The following STIL variants were observed in gnomAD, a reference collection of about 807,000 sequenced individuals.
STIL encodes SCL-interrupting locus protein.
In STIL, 55 loss-of-function variants were observed where a neutral mutation model predicts 110.1. The observed-to-expected ratio is 0.50, with a 90% CI of 0.40 to 0.63. The LOEUF is 0.63. Among genes scored for constraint, STIL ranks in the 20% least tolerant of loss-of-function variants. STIL has a pLI of 0.00. For missense variants in STIL, 1,358 were observed against 1,530.0 expected, an observed-to-expected ratio of 0.89 and a Z score of 1.87; for synonymous variants, 481 against 530.0, an observed-to-expected ratio of 0.91 and a Z score of 1.27.
chr1:47,263,447 A>G (rs1196732708), intron 14 of STIL, among the ~76,000 whole-genome samples: 2 of 152,224 alleles, frequency 1.3e-5, no homozygotes, highest in African/African-American at 4.8e-5. Context: ...CAGGAGGCTG[A>G]GCAAGAGGAT....
At chr1:47,281,326 T>C in intron 11 of STIL, 117 bp from the exon 12 acceptor site, 2 of 1,081,196 alleles carry the variant, frequency 1.8e-6, no homozygotes, top group South Asian at 1.7e-5. Context: ...CAAGTGTTCA[T>C]TCTTTATTTA....
chr1:47,303,517 A>T (rs368751941), intron 3 of STIL, among the ~76,000 whole-genome samples: 5 of 152,306 alleles, frequency 3.3e-5, no homozygotes, highest in East Asian at 1.9e-4. Context: ...GTGAGCCAAC[A>T]TCACGCCACT....
At chr1:47,303,473 G>A (rs1198167903) in intron 3 of STIL, among the ~76,000 whole-genome samples, 1 of 152,172 alleles carries the variant, frequency 6.6e-6, no homozygotes, top group Non-Finnish European at 1.5e-5. Context: ...GCTGAGACAG[G>A]AGAATCGCTT....
chr1:47,311,211 C>T (rs942412344), intron 1 of STIL, among the ~76,000 whole-genome samples: 15 of 151,814 alleles, frequency 9.9e-5, no homozygotes, highest in African/African-American at 3.6e-4. Flanking sequence ...TGCTTCTACA[C>T]CTACTTATCT....
chr1:47,310,787 T>C (rs1646099984), intron 1 of STIL, among the ~76,000 whole-genome samples: 1 of 152,080 alleles, frequency 6.6e-6, no homozygotes, highest in Non-Finnish European at 1.5e-5. Context: ...CATTAAAGAA[T>C]CTTCATTGGA....
chr1:47,263,725 T>C (rs947196838), intron 14 of STIL, among the ~76,000 whole-genome samples: 1 of 150,922 alleles, frequency 6.6e-6, no homozygotes, highest in African/African-American at 2.4e-5. Context: ...ATTTTAGGTA[T>C]GTTATTTGTT....
intron 13 of STIL, among the ~76,000 whole-genome samples, chr1:47,270,125 T>G (rs563569414): frequency 5.9e-5 from 9 of 151,348 alleles, no homozygotes; most frequent in African/African-American, 1.9e-4. Context: ...TGTAGTCCCA[T>G]CTACTCAGGA....
At chr1:47,306,468 G>A (rs1645964903) in intron 2 of STIL, among the ~76,000 whole-genome samples, 1 of 151,884 alleles carries the variant, frequency 6.6e-6, no homozygotes, top group Admixed American at 6.6e-5. Flanking sequence ...TTCCCAGGCT[G>A]GTCTTGAACT....
chr1:47,302,935 C>T (rs1645848908), intron 3 of STIL, among the ~76,000 whole-genome samples: 1 of 152,054 alleles, frequency 6.6e-6, no homozygotes, highest in African/African-American at 2.4e-5. Context: ...TTGTATTATA[C>T]TGTGGGTAAC....
chr1:47,288,105 T>C (rs1443522962), intron 9 of STIL, among the ~76,000 whole-genome samples: 1 of 148,794 alleles, frequency 6.7e-6, no homozygotes, highest in Non-Finnish European at 1.5e-5. Context: ...TATATAGATG[T>C]ATAACATATA....
intron 1 of STIL, among the ~76,000 whole-genome samples, chr1:47,310,994 C>T (rs1304707164): frequency 1.3e-5 from 2 of 151,972 alleles, no homozygotes; most frequent in South Asian, 2.1e-4. Flanking sequence ...ACTGCAGGTG[C>T]GCACCACCAT....
rs2148755501 is a variant in STIL, at chr1:47,262,897, T to G, written c.2829+6A>C. On this transcript the variant is annotated splice_donor_region_variant and intron_variant, in intron 15 of 16. Transcript: ENST00000371877. ...CAAAAAGATGAAATGCTCTACATTT[T>G]CTTACCAATAAATCCTGGTAAATTT... 6.2e-7 allele frequency: 1 copy of G among 1,613,094 alleles called. No homozygotes were observed. Among genetic ancestry groups the G allele is most frequent in the East Asian group, 2.2e-5 (1 of 44,872 alleles).
intron 1 of STIL, among the ~76,000 whole-genome samples, 165 bp from the exon 2 acceptor site, chr1:47,310,527 G>C (rs1261377531): frequency 6.6e-6 from 1 of 152,118 alleles, no homozygotes; most frequent in Non-Finnish European, 1.5e-5. Context: ...ATTTTCATAC[G>C]TTAGAGTCAT....
At position 47,285,766 on chromosome 1, in the gene STIL, T is replaced by C. The variant is rs567268131; in HGVS notation, c.1133+1785A>G. ...GAGCCACCGGGCCTGGCCGAGAATA[T>C]CTTCTTTACCACAAAAGGTAGAATA... is the stretch of plus-strand genomic sequence containing the variant. On this transcript the variant is annotated intron_variant, in intron 10 of 16. Transcript: ENST00000371877. Among the ~76,000 whole-genome samples the C allele has an allele frequency of 1.3e-3, 202 of 150,786 alleles. No individual in the cohort carries two copies. In the Middle Eastern group the frequency reaches 0.021, roughly 16 times the overall value.
Position 47,302,453 on chromosome 1 carries a change from A to G in STIL, c.153-107T>C, listed in dbSNP as rs1645833876. 6 of 899,488 alleles carry G rather than the reference A, an allele frequency of 6.7e-6. No individual in the cohort carries two copies. The East Asian group carries it at 1.6e-4, about 23-fold the overall frequency. The allele number at this position is 899,488 out of a possible 1,614,324, so 55.7% of individuals were successfully genotyped here. ...ATAACACACATTTTTAAAAATGTAC[A>G]GAAAGATCATTGTCAGGAAATCCCA... On this transcript the variant is annotated intron_variant, in intron 3 of 16. Transcript: ENST00000371877.
At chr1:47,280,122 G>T (rs908299276) in intron 12 of STIL, 119 bp downstream of exon 12, 1 of 1,360,702 alleles carries the variant, frequency 7.3e-7, no homozygotes, top group Non-Finnish European at 1.0e-6. Context: ...AGTTTCCAAG[G>T]TCCCTCCTAA....
intron 7 of STIL, 62 bp downstream of exon 7, chr1:47,295,703 T>C: frequency 8.9e-7 from 1 of 1,127,316 alleles, no homozygotes; most frequent in South Asian, 1.2e-5. Flanking sequence ...CTGAGTCACA[T>C]GCTTATCATA....
Position 47,280,742 on chromosome 1 carries a change from G to C in STIL, c.1716C>G (p.His572Gln). The C allele has an allele frequency of 6.2e-7, 1 of 1,614,028 alleles. No individual in the cohort carries two copies. The highest frequency in any genetic ancestry group is 8.5e-7 in the Non-Finnish European group (1 of 1,179,928). The change falls in exon 12 of 17, where the codon CAC becomes CAG. Residue 572 changes from histidine (H) to glutamine (Q), a missense_variant. Coordinates refer to ENST00000371877, the MANE Select transcript of STIL (RefSeq NM_001048166.1). ...AATTATGGGGTGAAAAAACAAAATC[G>C]TGTGGTTGGGACTGCGGGGCAAGAG... ...QSSLAPQSQP[H>Q]DFVFSPHNSG...
intron 12 of STIL, 51 bp downstream of exon 12, chr1:47,280,190 A>G (rs899971846): frequency 5.6e-6 from 9 of 1,612,628 alleles, no homozygotes; most frequent in African/African-American, 1.3e-5. Context: ...CCAGTTTTTA[A>G]GAAATCTTAA....
Sources: allele counts gnomAD v4.1 joint callset (sites outside exome capture counted in the v4.1 genomes callset), GRCh38; gene constraint gnomAD v4.1.1; transcripts MANE v1.5; gene names NCBI Gene and HGNC (gene_info 2026-07-23, HGNC 2026-07-21).